PTPRR: variants seen among roughly 807,000 people sequenced by gnomAD.
The protein encoded by PTPRR is receptor-type tyrosine-protein phosphatase R.
In PTPRR, 38 loss-of-function variants were observed where a neutral mutation model predicts 77.2. The ratio of observed to expected loss-of-function variants is 0.49; its 90% CI spans 0.38 to 0.65. The LOEUF is 0.65. Among genes scored for constraint, PTPRR ranks in the 30% least tolerant of loss-of-function variants. The pLI, the probability that PTPRR is intolerant of heterozygous loss-of-function variation, is 0.00. For missense variants in PTPRR, 744 were observed against 799.2 expected, an observed-to-expected ratio of 0.93 and a Z score of 0.83; for synonymous variants, 299 against 283.1, an observed-to-expected ratio of 1.06 and a Z score of -0.57.
intron 13 of PTPRR, among the ~76,000 whole-genome samples, chr12:70,655,857 A>T (rs1358194257): frequency 1.3e-5 from 2 of 152,194 alleles, no homozygotes; most frequent in Non-Finnish European, 2.9e-5. Context: ...CCACTTACAA[A>T]TGGTTAGGAT....
intron 2 of PTPRR, among the ~76,000 whole-genome samples, chr12:70,855,497 C>T (rs976544773): frequency 9.2e-5 from 14 of 152,128 alleles, no homozygotes; most frequent in African/African-American, 2.9e-4. Context: ...CTGAGCTGTA[C>T]TTGTCCTGTA....
chr12:70,749,969 T>G (rs1890337259), intron 5 of PTPRR, among the ~76,000 whole-genome samples: 1 of 152,242 alleles, frequency 6.6e-6, no homozygotes, highest in Non-Finnish European at 1.5e-5. Context: ...GAACTAATTC[T>G]TCTTAGTAAG....
rs1388087546 is a variant in PTPRR at position 70,733,474 on chromosome 12, AAAAAAAAG to A, written c.1007+12336_1007+12343del. On this transcript the variant is annotated intron_variant, in intron 6 of 13. Coordinates refer to ENST00000283228, the MANE Select transcript of PTPRR (RefSeq NM_002849.4). ...AGAAAAAAAGAAAAATTATGGCAAA[AAAAAAAAG>A]AAAAAAAAAGAAAAAAAAAGATTTC... Among the ~76,000 whole-genome samples, 13 of 85,152 alleles carry A rather than the reference AAAAAAAAG, an allele frequency of 1.5e-4. 1 individual carries two copies. The highest frequency in any genetic ancestry group is 5.3e-4 in the African/African-American group (10 of 18,876). 55.9% of individuals were successfully genotyped at this position (85,152 alleles called of 152,430 possible).
intron 7 of PTPRR, among the ~76,000 whole-genome samples, chr12:70,700,027 CTT>C (rs1341313351): frequency 6.6e-6 from 1 of 152,156 alleles, no homozygotes; most frequent in Non-Finnish European, 1.5e-5. Flanking sequence ...CTAGGTGTGC[CTT>C]TGGCTAGCTG....
chr12:70,905,284 T>G (rs941086760), intron 1 of PTPRR, among the ~76,000 whole-genome samples: 9 of 151,776 alleles, frequency 5.9e-5, no homozygotes, highest in Admixed American at 1.3e-4. Context: ...GAGTGAGGAC[T>G]AGGGAGGAAA....
At chr12:70,696,220 T>C (rs1167962346) in intron 8 of PTPRR, among the ~76,000 whole-genome samples, 3 of 151,884 alleles carry the variant, frequency 2.0e-5, no homozygotes, top group African/African-American at 7.2e-5. Context: ...AATTAATTAC[T>C]CAGTCCTCTC....
chr12:70,772,949 G>T (rs1891011958), intron 2 of PTPRR, among the ~76,000 whole-genome samples: 1 of 152,116 alleles, frequency 6.6e-6, no homozygotes. Flanking sequence ...CAAAGTGTCA[G>T]TGGGGCCATG....
intron 8 of PTPRR, among the ~76,000 whole-genome samples, chr12:70,698,013 G>C (rs550854817): frequency 2.0e-5 from 3 of 152,086 alleles, no homozygotes; most frequent in Non-Finnish European, 4.4e-5. Flanking sequence ...TGTAAGAATT[G>C]GAAATGCTGA....
At chr12:70,743,700 A>C (rs1311845200) in intron 6 of PTPRR, among the ~76,000 whole-genome samples, 1 of 152,160 alleles carries the variant, frequency 6.6e-6, no homozygotes, top group Non-Finnish European at 1.5e-5. Context: ...CACTGATTAC[A>C]CACTTGCTCT....
chr12:70,804,151 G>GTGTT (rs1891667193), intron 2 of PTPRR, among the ~76,000 whole-genome samples: 1 of 151,124 alleles, frequency 6.6e-6, no homozygotes, highest in Non-Finnish European at 1.5e-5. Context: ...GTGTGTGTGT[G>GTGTT]TGTGTGTGTG....
At chr12:70,799,075 C>T (rs1565700978) in intron 2 of PTPRR, among the ~76,000 whole-genome samples, 1 of 152,106 alleles carries the variant, frequency 6.6e-6, no homozygotes, top group Non-Finnish European at 1.5e-5. Flanking sequence ...CTTTTAAGGG[C>T]ACCAAACCCC....
At chr12:70,885,659 C>T (rs1287488859) in intron 2 of PTPRR, among the ~76,000 whole-genome samples, 1 of 151,622 alleles carries the variant, frequency 6.6e-6, no homozygotes, top group Non-Finnish European at 1.5e-5. Flanking sequence ...CTCAGCCTCC[C>T]GAGTAGCTGG....
At chr12:70,736,605 TA>T (rs1889870209) in intron 6 of PTPRR, among the ~76,000 whole-genome samples, 1 of 152,190 alleles carries the variant, frequency 6.6e-6, no homozygotes, top group South Asian at 2.1e-4. Context: ...AAGGAGGGGA[TA>T]AAAAGTCCCT....
At chr12:70,736,556 G>A (rs952894177) in intron 6 of PTPRR, among the ~76,000 whole-genome samples, 1 of 152,014 alleles carries the variant, frequency 6.6e-6, no homozygotes, top group South Asian at 2.1e-4. Flanking sequence ...AAGTTATTAG[G>A]GCCATAACTT....
At chr12:70,900,394 A>G (rs1231098080) in intron 1 of PTPRR, among the ~76,000 whole-genome samples, 1 of 151,296 alleles carries the variant, frequency 6.6e-6, no homozygotes, top group Non-Finnish European at 1.5e-5. Context: ...AAAGATTTCC[A>G]TATAAAATCC....
intron 6 of PTPRR, among the ~76,000 whole-genome samples, chr12:70,715,850 T>A (rs1889007232): frequency 6.6e-6 from 1 of 152,158 alleles, no homozygotes; most frequent in Non-Finnish European, 1.5e-5. Flanking sequence ...AATGCAATTA[T>A]CATAGGGTCC....
intron 7 of PTPRR, among the ~76,000 whole-genome samples, chr12:70,699,213 G>A (rs1486918776): frequency 6.6e-6 from 1 of 152,056 alleles, no homozygotes; most frequent in East Asian, 1.9e-4. Flanking sequence ...TAACTTTTAT[G>A]TTATTTAATG....
intron 5 of PTPRR, among the ~76,000 whole-genome samples, chr12:70,747,150 A>G (rs955050838): frequency 6.6e-6 from 1 of 152,146 alleles, no homozygotes; most frequent in African/African-American, 2.4e-5. Flanking sequence ...TATCATGTGC[A>G]TAGTGTCTAA....
At position 70,696,946 on chromosome 12, in the gene PTPRR, T is replaced by C. The variant is rs191198570; in HGVS notation, c.1279+1319A>G. 4.6e-5 allele frequency among the ~76,000 whole-genome samples: 7 copies of C among 152,306 alleles called. No homozygotes were observed. In the East Asian group the frequency reaches 1.2e-3, roughly 25 times the overall value. ...TTCATCAGTGCCTTGTTCCTTTTTA[T>C]TGATTCTATTGTGTGACTATACTAC... On this transcript the variant is annotated intron_variant, in intron 8 of 13. Coordinates refer to ENST00000283228, the MANE Select transcript of PTPRR (RefSeq NM_002849.4).
Sources: allele counts gnomAD v4.1 joint callset (sites outside exome capture counted in the v4.1 genomes callset), GRCh38; gene constraint gnomAD v4.1.1; transcripts MANE v1.5; gene names NCBI Gene and HGNC (gene_info 2026-07-23, HGNC 2026-07-21).